Variants in CNOT10 observed in about 807,000 individuals in gnomAD.
CNOT10 encodes CCR4-NOT transcription complex subunit 10.
In CNOT10, 30 loss-of-function variants were observed where a neutral mutation model predicts 94.6. That is an observed-to-expected ratio of 0.32 (90% CI 0.24 to 0.43). The LOEUF (loss-of-function observed/expected upper bound fraction) is 0.43, where lower values mean the gene tolerates loss of function less well. CNOT10 is among the 20% of genes least tolerant of loss of function. CNOT10 has a pLI of 1.00. For missense variants in CNOT10, 759 were observed against 877.2 expected (o/e 0.87, Z 1.70); for synonymous variants, 289 against 301.6 (o/e 0.96, Z 0.43).
intron 13 of CNOT10, among the ~76,000 whole-genome samples, chr3:32,758,390 CA>C (rs1391516865): frequency 6.6e-6 from 1 of 152,092 alleles, no homozygotes; most frequent in African/African-American, 2.4e-5. Flanking sequence ...TTCTAGGAAC[CA>C]AAAGTTAGCA....
At chr3:32,761,758 A>G (rs113640832) in intron 14 of CNOT10, among the ~76,000 whole-genome samples, 3,223 of 132,014 alleles carry the variant, frequency 0.024, 54 homozygotes, top group East Asian at 0.05. Context: ...TTTGAAACGG[A>G]GTTTCACAGG....
chr3:32,759,130 A>AGT (rs10601347), intron 13 of CNOT10, among the ~76,000 whole-genome samples: 201 of 149,634 alleles, frequency 1.3e-3, no homozygotes, highest in Admixed American at 2.8e-3. Flanking sequence ...ATATATATAT[A>AGT]GTGTGTGTGT....
chr3:32,690,528 G>C (rs1696804253), intron 1 of CNOT10, among the ~76,000 whole-genome samples: 1 of 151,760 alleles, frequency 6.6e-6, no homozygotes, highest in Non-Finnish European at 1.5e-5. Flanking sequence ...AGGACTACGG[G>C]TGTGTACTAC....
intron 1 of CNOT10, among the ~76,000 whole-genome samples, chr3:32,687,462 T>TG (rs1696670515): frequency 1.7e-5 from 2 of 114,748 alleles, no homozygotes; most frequent in African/African-American, 6.3e-5. Context: ...GTTTTTTTTT[T>TG]TTTTTTTGAG....
intron 4 of CNOT10, among the ~76,000 whole-genome samples, chr3:32,711,815 A>G (rs1315020286): frequency 6.6e-6 from 1 of 152,208 alleles, no homozygotes; most frequent in Non-Finnish European, 1.5e-5. Context: ...AAATAAAGTC[A>G]GAATTAGCCA....
rs755734138 is a variant in CNOT10, at chr3:32,737,440, T to C, written c.1545T>C (p.Ile515=). 1.2e-6 allele frequency: 2 copies of C among 1,612,228 alleles called. No homozygotes were observed. The highest frequency in any genetic ancestry group is 2.2e-5 in the South Asian group (2 of 90,964). The stretch of plus-strand genomic sequence containing the variant: ...AAAGCCATGATGGAGATAAATTCAT[T>C]CCAGCTCCACCTTCTTCTCCATTGA... ...SSKSHDGDKF[I]PAPPSSPLRK... The change falls in exon 13 of 19, where the codon ATT becomes ATC. Residue 515 remains isoleucine, a synonymous_variant. Transcript: ENST00000328834.
Position 32,727,648 on chromosome 3 carries a change from TA to T in CNOT10, c.1013-19del. The T allele has an allele frequency of 6.9e-7, 1 of 1,456,800 alleles. No individual in the cohort carries two copies. The allele number at this position is 1,456,800 out of a possible 1,614,324, so 90.2% of individuals were successfully genotyped here. A position where few individuals can be genotyped will look rare whatever the true frequency, so the allele number is the denominator to read the frequency against. ...TACTGTAAATCTAATGATGTATTCTTATCTAATTTTTATCACTAGGTAAAAA... is the reference window on the plus strand; with the variant it reads ...TACTGTAAATCTAATGATGTATTCTTTCTAATTTTTATCACTAGGTAAAAA... On this transcript the variant is annotated intron_variant, in intron 9 of 18. Transcript: ENST00000328834.
At chr3:32,745,707 G>GA (rs201359598) in intron 13 of CNOT10, among the ~76,000 whole-genome samples, 1,928 of 152,328 alleles carry the variant, frequency 0.013, 48 homozygotes, top group African/African-American at 0.044. Flanking sequence ...CTATAAGGAA[G>GA]AACCAGTGAG....
chr3:32,760,631 C>T (rs959226296), intron 14 of CNOT10, among the ~76,000 whole-genome samples: 5 of 151,932 alleles, frequency 3.3e-5, no homozygotes, highest in Admixed American at 3.3e-4. Context: ...GACTCCCTCT[C>T]AAAAAATAAA....
In CNOT10 at chr3:32,765,096, G is replaced by C. The variant is rs749943437; in HGVS notation, c.2004+287G>C. On this transcript the variant is annotated intron_variant, in intron 17 of 18. Coordinates refer to ENST00000328834, the MANE Select transcript of CNOT10 (RefSeq NM_015442.3). ...AGCACTTTGGGAGGCCGAGGCAGGC[G>C]GATCATGAGGTCAGGAGTTTGAGAC... is the stretch of plus-strand genomic sequence containing the variant. 3.0e-5 allele frequency: 24 copies of C among 805,752 alleles called. No homozygotes were observed. In the Admixed American group the frequency reaches 6.5e-4, roughly 22 times the overall value. The allele number at this position is 805,752 out of a possible 1,614,324, so 49.9% of individuals were successfully genotyped here. A position where few individuals can be genotyped will look rare whatever the true frequency, so the allele number is the denominator to read the frequency against.
intron 13 of CNOT10, among the ~76,000 whole-genome samples, chr3:32,746,882 A>C (rs912167982): frequency 1.4e-4 from 21 of 146,444 alleles, no homozygotes; most frequent in Non-Finnish European, 2.4e-4. Context: ...TGAGAATCTA[A>C]TGCTGCTGCT....
At chr3:32,685,568 T>TG in intron 1 of CNOT10, 86 bp downstream of exon 1, 1 of 1,446,220 alleles carries the variant, frequency 6.9e-7, no homozygotes, top group Non-Finnish European at 9.5e-7. Context: ...GGGCCCGGGG[T>TG]GGGGACTCCA....
In CNOT10 at chr3:32,705,025, A is replaced by G. The variant is rs190429974; in HGVS notation, c.279+53A>G. 9.2e-5 allele frequency: 110 copies of G among 1,193,022 alleles called. No homozygotes were observed. The African/African-American group carries it at 1.5e-3, about 16-fold the overall frequency. The allele number at this position is 1,193,022 out of a possible 1,614,324, so 73.9% of individuals were successfully genotyped here. A position where few individuals can be genotyped will look rare whatever the true frequency, so the allele number is the denominator to read the frequency against. ...AAAATATTGTTCTGTTCTTTAATTT[A>G]TGAAACACAAATAGTTAAGGAAAAT... On this transcript the variant is annotated intron_variant, in intron 3 of 18. Coordinates refer to ENST00000328834, the MANE Select transcript of CNOT10 (RefSeq NM_015442.3).
In CNOT10 at chr3:32,769,890, G is replaced by A; in HGVS notation, c.2008G>A (p.Ala670Thr). 1 of 1,613,642 alleles carries A rather than the reference G, an allele frequency of 6.2e-7. No individual in the cohort carries two copies. The highest frequency in any genetic ancestry group is 8.5e-7 in the Non-Finnish European group (1 of 1,179,666). Residue 670 changes from alanine to threonine, a missense_variant, in exon 18 of 19, where the codon GCT becomes ACT. Ala to Thr is a moderately conservative substitution (Grantham distance 58, BLOSUM62 0). Coordinates refer to ENST00000328834, the MANE Select transcript of CNOT10 (RefSeq NM_015442.3). ...CATCTTTCTGTTTTGAGCAAAGGCGGCTTCAATGATCCATCCTAAAGAGGT... is the reference window on the plus strand; with the variant it reads ...CATCTTTCTGTTTTGAGCAAAGGCGACTTCAATGATCCATCCTAAAGAGGT... ...DKARKCLHQAASMIHPKEVPP... is the reference protein window; with the variant it reads ...DKARKCLHQATSMIHPKEVPP...
At position 32,765,788 on chromosome 3, in the gene CNOT10, C is replaced by T. The variant is rs1380069882; in HGVS notation, c.2004+979C>T. 7.6e-5 allele frequency among the ~76,000 whole-genome samples: 4 copies of T among 52,868 alleles called. 2 individuals carry two copies. In the East Asian group the frequency reaches 2.1e-3, roughly 28 times the overall value. 34.7% of individuals were successfully genotyped at this position (52,868 alleles called of 152,430 possible). A position where few individuals can be genotyped will look rare whatever the true frequency, so the allele number is the denominator to read the frequency against. On this transcript the variant is annotated intron_variant, in intron 17 of 18. Transcript: ENST00000328834. ...CAGTTGAAGACAATGCAGCTATAAA[C>T]TCTAGGTACTAAAATGGAAAGATGT...
intron 1 of CNOT10, among the ~76,000 whole-genome samples, chr3:32,699,968 T>C (rs1406790685): frequency 2.0e-5 from 3 of 150,456 alleles, no homozygotes; most frequent in African/African-American, 2.5e-5. Context: ...AACAAACATA[T>C]CAGTTTCTTT....
chr3:32,696,652 G>A (rs893083225), intron 1 of CNOT10, among the ~76,000 whole-genome samples: 1 of 152,068 alleles, frequency 6.6e-6, no homozygotes, highest in Non-Finnish European at 1.5e-5. Flanking sequence ...AAGCTGGAGT[G>A]CAGTGGCACA....
chr3:32,733,757 G>A (rs996472173), intron 11 of CNOT10, among the ~76,000 whole-genome samples: 2 of 152,060 alleles, frequency 1.3e-5, no homozygotes, highest in African/African-American at 2.4e-5. Flanking sequence ...CATGGGTGCT[G>A]CAATTATTGA....
chr3:32,742,080 C>T (rs557661445), intron 13 of CNOT10, among the ~76,000 whole-genome samples: 4 of 149,720 alleles, frequency 2.7e-5, no homozygotes, highest in African/African-American at 4.9e-5. Context: ...CTCAGCCTCC[C>T]GAGTAGCTAG....
Sources: gnomAD v4.1 joint callset for allele counts (sites outside exome capture counted in the v4.1 genomes callset) on GRCh38, gnomAD v4.1.1 for gene constraint, MANE v1.5 for transcripts, NCBI Gene and HGNC (gene_info 2026-07-23, HGNC 2026-07-21) for gene names.